The following SLC1A1 variants were observed in gnomAD, a reference collection of about 807,000 sequenced individuals.
SLC1A1 encodes the protein solute carrier family 1 member 1.
In SLC1A1, 43 loss-of-function variants were observed where a neutral mutation model predicts 53.3. The observed-to-expected ratio is 0.81, with a 90% CI of 0.63 to 1.04. The LOEUF (loss-of-function observed/expected upper bound fraction) is 1.04. Among genes scored for constraint, SLC1A1 ranks in the 50% least tolerant of loss-of-function variants. The pLI, the probability that SLC1A1 is intolerant of heterozygous loss-of-function variation, is 0.00. For missense variants in SLC1A1, 748 were observed against 664.9 expected (o/e 1.12, Z -1.37); for synonymous variants, 307 against 243.2 (o/e 1.26, Z -2.44).
At chr9:4,561,273 C>T (rs1249811844) in intron 2 of SLC1A1, among the ~76,000 whole-genome samples, 176 bp from the exon 3 acceptor site, 1 of 152,130 alleles carries the variant, frequency 6.6e-6, no homozygotes, top group East Asian at 1.9e-4. Context: ...GGGCTTCCCT[C>T]TCTTAAATCT....
At chr9:4,568,542 G>C (rs1371307736) in intron 6 of SLC1A1, among the ~76,000 whole-genome samples, 1 of 151,884 alleles carries the variant, frequency 6.6e-6, no homozygotes, top group Non-Finnish European at 1.5e-5. Flanking sequence ...GAAATATAGT[G>C]AGACCCCATA....
intron 1 of SLC1A1, among the ~76,000 whole-genome samples, chr9:4,499,336 G>A (rs2130797322): frequency 6.6e-6 from 1 of 152,082 alleles, no homozygotes; most frequent in East Asian, 1.9e-4. Context: ...TGAGTCACGG[G>A]GCCCAGCCAT....
chr9:4,503,041 GATTT>G (rs1343199870), intron 1 of SLC1A1, among the ~76,000 whole-genome samples: 14 of 151,782 alleles, frequency 9.2e-5, no homozygotes. Context: ...CTTGAAGATG[GATTT>G]AATTACCACT....
intron 2 of SLC1A1, among the ~76,000 whole-genome samples, chr9:4,548,600 T>C (rs1817676087): frequency 6.6e-6 from 1 of 152,174 alleles, no homozygotes; most frequent in Admixed American, 6.5e-5. Flanking sequence ...CCTTTTTATG[T>C]GATGATAAGG....
intron 1 of SLC1A1, among the ~76,000 whole-genome samples, chr9:4,522,904 G>T (rs929176421): frequency 6.6e-6 from 1 of 152,174 alleles, no homozygotes; most frequent in African/African-American, 2.4e-5. Context: ...TTTGGGTGGG[G>T]ACACTGCCAA....
intron 1 of SLC1A1, among the ~76,000 whole-genome samples, chr9:4,542,689 T>A (rs1017505345): frequency 5.3e-5 from 8 of 152,206 alleles, no homozygotes; most frequent in Non-Finnish European, 1.0e-4. Flanking sequence ...TAGGGCATAA[T>A]ATAGGTATGT....
chr9:4,496,658 G>A (rs1820434536), intron 1 of SLC1A1, among the ~76,000 whole-genome samples: 1 of 151,980 alleles, frequency 6.6e-6, no homozygotes, highest in Non-Finnish European at 1.5e-5. Context: ...ACTTTGGGAG[G>A]TGAAGGTGGG....
At chr9:4,577,459 G>C (rs572558123) in intron 10 of SLC1A1, among the ~76,000 whole-genome samples, 1 of 152,134 alleles carries the variant, frequency 6.6e-6, no homozygotes, top group Non-Finnish European at 1.5e-5. Flanking sequence ...TCATATTATG[G>C]ACAGATTTGC....
intron 1 of SLC1A1, among the ~76,000 whole-genome samples, chr9:4,527,119 G>A (rs958167552): frequency 1.3e-5 from 2 of 152,160 alleles, no homozygotes; most frequent in Non-Finnish European, 2.9e-5. Context: ...GGAACAGTAG[G>A]ACTTGCAGGA....
At position 4,522,042 on chromosome 9, in the gene SLC1A1, CT is replaced by C. The variant is rs796721359; in HGVS notation, c.92-22514del. 4.3e-4 allele frequency among the ~76,000 whole-genome samples: 38 copies of C among 88,500 alleles called. No individual in the cohort carries two copies. In the South Asian group the frequency reaches 6.1e-3, roughly 14 times the overall value. 58.1% of individuals were successfully genotyped at this position (88,500 alleles called of 152,430 possible). On this transcript the variant is annotated intron_variant, in intron 1 of 11. Coordinates refer to ENST00000262352, the MANE Select transcript of SLC1A1 (RefSeq NM_004170.6). ...ACTTCTAATGAATCAGAACCTGCCT[CT>C]TTTTTTTTTTCTTTTTTTTTTTTTT... is the stretch of plus-strand genomic sequence containing the variant.
intron 4 of SLC1A1, among the ~76,000 whole-genome samples, chr9:4,565,115 T>G (rs1819355402): frequency 6.6e-6 from 1 of 152,202 alleles, no homozygotes; most frequent in African/African-American, 2.4e-5. Context: ...TCTTTCCAGT[T>G]TTTCTTTTTA....
At chr9:4,498,314 T>C (rs1001465564) in intron 1 of SLC1A1, among the ~76,000 whole-genome samples, 1 of 152,206 alleles carries the variant, frequency 6.6e-6, no homozygotes, top group East Asian at 1.9e-4. Flanking sequence ...TGGTAATATG[T>C]TCTATGTCAG....
chr9:4,498,371 G>A (rs1014359129), intron 1 of SLC1A1, among the ~76,000 whole-genome samples: 3 of 152,136 alleles, frequency 2.0e-5, no homozygotes, highest in East Asian at 3.8e-4. Flanking sequence ...TCTAATATAT[G>A]TATGTTTTTG....
intron 1 of SLC1A1, among the ~76,000 whole-genome samples, chr9:4,498,038 G>A (rs1820498776): frequency 6.6e-6 from 1 of 152,152 alleles, no homozygotes; most frequent in Non-Finnish European, 1.5e-5. Context: ...AGGAACTAGT[G>A]GTATGCGTGC....
At chr9:4,493,738 T>A (rs556915936) in intron 1 of SLC1A1, among the ~76,000 whole-genome samples, 2 of 152,250 alleles carry the variant, frequency 1.3e-5, no homozygotes, top group African/African-American at 4.8e-5. Context: ...CTAAAAAAAA[T>A]AATTTAAAGA....
chr9:4,546,552 C>T (rs1817510190), intron 2 of SLC1A1, among the ~76,000 whole-genome samples: 1 of 152,190 alleles, frequency 6.6e-6, no homozygotes, highest in Non-Finnish European at 1.5e-5. Flanking sequence ...CCATAGTCTC[C>T]ACTACTCCCG....
chr9:4,530,971 G>C (rs552032338), intron 1 of SLC1A1, among the ~76,000 whole-genome samples: 2 of 152,300 alleles, frequency 1.3e-5, no homozygotes, highest in South Asian at 2.1e-4. Context: ...CAGCAAAACT[G>C]TCAAGGATTG....
At chr9:4,492,938 C>T (rs919061999) in intron 1 of SLC1A1, among the ~76,000 whole-genome samples, 2 of 152,200 alleles carry the variant, frequency 1.3e-5, no homozygotes, top group African/African-American at 4.8e-5. Flanking sequence ...TTGCACACCA[C>T]TCGTCAGCAT....
At chr9:4,515,442 G>C (rs1179561371) in intron 1 of SLC1A1, among the ~76,000 whole-genome samples, 1 of 152,158 alleles carries the variant, frequency 6.6e-6, no homozygotes, top group African/African-American at 2.4e-5. Context: ...CTCATGTGCA[G>C]GTATCCAGGT....
Sources: allele counts gnomAD v4.1 joint callset (sites outside exome capture counted in the v4.1 genomes callset), GRCh38; gene constraint gnomAD v4.1.1; transcripts MANE v1.5; gene names NCBI Gene and HGNC (gene_info 2026-07-23, HGNC 2026-07-21).